LPP: variants seen among roughly 807,000 people sequenced by gnomAD.
LPP encodes the protein lipoma-preferred partner.
In LPP, 38 loss-of-function variants were observed where a neutral mutation model predicts 60.4. The ratio of observed to expected loss-of-function variants is 0.63; its 90% confidence interval spans 0.49 to 0.83. The LOEUF (loss-of-function observed/expected upper bound fraction) is 0.83, where lower values mean the gene tolerates loss of function less well. Ranked by LOEUF, LPP falls within the 40% of genes least tolerant of loss-of-function variation. LPP has a pLI of 0.00. For synonymous variants in LPP, 328 were observed against 290.8 expected (o/e 1.13, Z -1.30); for missense variants, 902 against 783.6 (o/e 1.15, Z -1.80).
intron 7 of LPP, among the ~76,000 whole-genome samples, chr3:188,613,261 C>CCTATACCTATAT (rs374856083): frequency 1.5e-4 from 18 of 117,354 alleles, no homozygotes; most frequent in South Asian, 2.7e-4. Flanking sequence ...TATATCTATA[C>CCTATACCTATAT]CTATATCTAT....
At chr3:188,748,268 C>T (rs571692586) in intron 8 of LPP, among the ~76,000 whole-genome samples, 9 of 152,028 alleles carry the variant, frequency 5.9e-5, no homozygotes, top group Non-Finnish European at 1.2e-4. Flanking sequence ...TACATATATA[C>T]ACATACATAC....
At chr3:188,841,454 C>T (rs1049486003) in intron 9 of LPP, among the ~76,000 whole-genome samples, 11 of 140,318 alleles carry the variant, frequency 7.8e-5, no homozygotes, top group Non-Finnish European at 1.3e-4. Flanking sequence ...TGCAGTGGCA[C>T]GATCTCGGCT....
At chr3:188,613,282 A>ATATCTAT in intron 7 of LPP, among the ~76,000 whole-genome samples, 1 of 141,212 alleles carries the variant, frequency 7.1e-6, no homozygotes, top group Admixed American at 7.1e-5. Context: ...ATCTATATCT[A>ATATCTAT]TATCTATATC....
chr3:188,568,530 G>T (rs1264404936), intron 6 of LPP: 1 of 151,864 alleles, frequency 6.6e-6, no homozygotes, highest in South Asian at 2.1e-4. Flanking sequence ...AATGTGTATC[G>T]ACAGACAGTC....
chr3:188,230,680 G>GGA (rs1384781372), intron 2 of LPP, among the ~76,000 whole-genome samples: 1 of 151,846 alleles, frequency 6.6e-6, no homozygotes, highest in East Asian at 1.9e-4. Context: ...GGCTGAGGCA[G>GGA]GAGAATTGCT....
Position 188,881,488 on chromosome 3 carries a change from A to G in LPP, c.*7009A>G, listed in dbSNP as rs80200434. The G allele has an allele frequency of 0.066, 14,095 of 212,130 alleles. 558 individuals carry two copies. Among genetic ancestry groups the G allele is most frequent in the African/African-American group, 0.092 (4,062 of 44,346 alleles). 13.1% of individuals were successfully genotyped at this position (212,130 alleles called of 1,614,324 possible). On this transcript the variant is annotated 3_prime_UTR_variant, in exon 12 of 12. Transcript: ENST00000617246. Reference sequence around the variant, plus strand: ...TTCACCATGAGTCAGGCTAGGTTGAAAGGCTTTCTTTAGGGTTGAAAGTAA... The same window carrying G: ...TTCACCATGAGTCAGGCTAGGTTGAGAGGCTTTCTTTAGGGTTGAAAGTAA...
At chr3:188,655,350 A>G (rs915573107) in intron 7 of LPP, among the ~76,000 whole-genome samples, 4 of 152,180 alleles carry the variant, frequency 2.6e-5, no homozygotes, top group African/African-American at 9.7e-5. Context: ...AAGATGAGGG[A>G]AAGGACATCA....
At chr3:188,223,105 G>A (rs4279091) in intron 1 of LPP, among the ~76,000 whole-genome samples, 104,757 of 152,036 alleles carry the variant, frequency 0.69, 37,634 homozygotes, top group African/African-American at 0.9. Context: ...TTGGGAATTC[G>A]GTGCTTCAGC....
intron 2 of LPP, among the ~76,000 whole-genome samples, chr3:188,232,504 ATTTTTTT>A (rs71634069): frequency 0.18 from 18,864 of 103,364 alleles, 1,391 homozygotes; most frequent in Middle Eastern, 0.29. Flanking sequence ...ACACCCGGCT[ATTTTTTT>A]TTTTTTTTTT....
Position 188,879,468 on chromosome 3 carries a change from T to C in LPP, c.*4989T>C, listed in dbSNP as rs901578724. The C allele has an allele frequency of 1.5e-5, 3 of 205,722 alleles. No homozygotes were observed. Among genetic ancestry groups the C allele is most frequent in the African/African-American group, 6.8e-5 (3 of 43,842 alleles). 12.7% of individuals were successfully genotyped at this position (205,722 alleles called of 1,614,324 possible). On this transcript the variant is annotated 3_prime_UTR_variant, in exon 12 of 12. Coordinates refer to ENST00000617246, the MANE Select transcript of LPP (RefSeq NM_001375462.1). ...CTTTTATAGGGGCATATTTTTTAGGTTGTATTTATTCGTAAAGTGAAATGA... is the reference window on the plus strand; with the variant it reads ...CTTTTATAGGGGCATATTTTTTAGGCTGTATTTATTCGTAAAGTGAAATGA...
At chr3:188,446,925 A>G (rs1475522874) in intron 4 of LPP, among the ~76,000 whole-genome samples, 1 of 152,168 alleles carries the variant, frequency 6.6e-6, no homozygotes, top group Non-Finnish European at 1.5e-5. Context: ...CTTTCTCAAG[A>G]GCAGGTGCTG....
At chr3:188,487,188 T>C (rs945878474) in intron 5 of LPP, among the ~76,000 whole-genome samples, 3 of 152,174 alleles carry the variant, frequency 2.0e-5, no homozygotes, top group Non-Finnish European at 4.4e-5. Context: ...TCCTCTTCAT[T>C]AGAAACAAAA....
At chr3:188,440,165 T>G (rs1793414699) in intron 4 of LPP, among the ~76,000 whole-genome samples, 1 of 152,196 alleles carries the variant, frequency 6.6e-6, no homozygotes. Flanking sequence ...TTCCCCAACC[T>G]TCCTGGTCTC....
chr3:188,473,798 G>A (rs757971190), intron 4 of LPP, among the ~76,000 whole-genome samples: 22 of 152,178 alleles, frequency 1.4e-4, no homozygotes, highest in Non-Finnish European at 2.8e-4. Flanking sequence ...TACTGGGTAA[G>A]GCTTATCAAC....
At chr3:188,757,251 G>A (rs1730583330) in intron 8 of LPP, among the ~76,000 whole-genome samples, 1 of 152,172 alleles carries the variant, frequency 6.6e-6, no homozygotes. Flanking sequence ...ATTCATTTTT[G>A]TATATCACAC....
chr3:188,542,099 A>T (rs963398508), intron 6 of LPP, among the ~76,000 whole-genome samples: 8 of 152,214 alleles, frequency 5.3e-5, no homozygotes, highest in African/African-American at 1.9e-4. Context: ...GCAATTCTTG[A>T]AAGAACTATT....
chr3:188,778,726 C>T (rs554637524), intron 9 of LPP, among the ~76,000 whole-genome samples: 1 of 152,094 alleles, frequency 6.6e-6, no homozygotes, highest in South Asian at 2.1e-4. Context: ...TGTGCACATA[C>T]AAACAAACAC....
intron 3 of LPP, among the ~76,000 whole-genome samples, chr3:188,402,920 A>G (rs115663398): frequency 0.028 from 4,201 of 152,300 alleles, 59 homozygotes; most frequent in South Asian, 0.036. Context: ...ATAAAAATAT[A>G]GGGCTTGGTA....
intron 4 of LPP, among the ~76,000 whole-genome samples, chr3:188,441,591 C>CTTTTTTTTTTT (rs1793857964): frequency 1.1e-5 from 1 of 87,330 alleles, no homozygotes; most frequent in African/African-American, 4.8e-5. Context: ...ATTACAGTTT[C>CTTTTTTTTTTT]TTTTTTTCTT....
Sources: gnomAD v4.1 joint callset for allele counts (sites outside exome capture counted in the v4.1 genomes callset) on GRCh38, gnomAD v4.1.1 for gene constraint, MANE v1.5 for transcripts, NCBI Gene and HGNC (gene_info 2026-07-23, HGNC 2026-07-21) for gene names.